Variants in HECW1 observed in about 807,000 individuals in gnomAD.
HECW1 encodes E3 ubiquitin-protein ligase HECW1.
Under a neutral mutation model 182.3 loss-of-function variants are expected in HECW1, and 61 were observed. The ratio of observed to expected loss-of-function variants is 0.33; its 90% CI spans 0.27 to 0.41. The LOEUF (loss-of-function observed/expected upper bound fraction) is 0.41. Ranked by LOEUF, HECW1 falls within the 10% of genes least tolerant of loss-of-function variation. The probability of loss-of-function intolerance (pLI) is 1.00; values close to 1 mark genes in which losing one functional copy is unlikely to be tolerated. For missense variants in HECW1, 1,739 were observed against 2,108.9 expected, an observed-to-expected ratio of 0.82 and a Z score of 3.44; for synonymous variants, 859 against 832.6, an observed-to-expected ratio of 1.03 and a Z score of -0.55.
intron 2 of HECW1, among the ~76,000 whole-genome samples, chr7:43,140,520 T>A (rs1788046267): frequency 6.6e-6 from 1 of 152,214 alleles, no homozygotes; most frequent in South Asian, 2.1e-4. Flanking sequence ...ATCGAATCCA[T>A]CGTTTCTGGC....
intron 3 of HECW1, among the ~76,000 whole-genome samples, chr7:43,278,044 T>A (rs2152745658): frequency 6.6e-6 from 1 of 152,168 alleles, no homozygotes; most frequent in East Asian, 1.9e-4. Context: ...GGTGGTCGCA[T>A]CTACTCTTGT....
chr7:43,402,188 T>G (rs1045539475), intron 7 of HECW1, among the ~76,000 whole-genome samples: 1 of 151,960 alleles, frequency 6.6e-6, no homozygotes, highest in African/African-American at 2.4e-5. Flanking sequence ...CAGACAAGGA[T>G]CCAGATACCA....
chr7:43,538,477 A>G (rs2081256436), intron 24 of HECW1, among the ~76,000 whole-genome samples: 1 of 152,250 alleles, frequency 6.6e-6, no homozygotes, highest in Non-Finnish European at 1.5e-5. Context: ...GAAGTTTTCC[A>G]GAAGAAGAAA....
At chr7:43,237,081 G>A (rs528148710) in intron 2 of HECW1, among the ~76,000 whole-genome samples, 6 of 151,256 alleles carry the variant, frequency 4.0e-5, no homozygotes, top group Non-Finnish European at 8.8e-5. Flanking sequence ...GAGGGAGGGA[G>A]GGAGGAAGCA....
chr7:43,235,946 T>C (rs979634126), intron 2 of HECW1, among the ~76,000 whole-genome samples: 3 of 152,144 alleles, frequency 2.0e-5, no homozygotes, highest in African/African-American at 7.2e-5. Flanking sequence ...CCCAGCACTT[T>C]GGGATGCCAA....
chr7:43,461,492 A>G (rs2077580659), intron 13 of HECW1, among the ~76,000 whole-genome samples: 1 of 152,220 alleles, frequency 6.6e-6, no homozygotes, highest in Non-Finnish European at 1.5e-5. Flanking sequence ...CATTTAGGGA[A>G]TCCTCCCAGT....
At chr7:43,202,602 G>A (rs1005484833) in intron 2 of HECW1, among the ~76,000 whole-genome samples, 1 of 151,684 alleles carries the variant, frequency 6.6e-6, no homozygotes, top group African/African-American at 2.4e-5. Flanking sequence ...GCCTCCTGAG[G>A]AGCTGGGGTT....
chr7:43,537,825 T>C (rs1198890010), intron 24 of HECW1, among the ~76,000 whole-genome samples: 1 of 152,220 alleles, frequency 6.6e-6, no homozygotes, highest in Non-Finnish European at 1.5e-5. Flanking sequence ...TTGTTGCCCA[T>C]GTCAGTCCGA....
chr7:43,452,047 T>C (rs2152885243), intron 12 of HECW1, among the ~76,000 whole-genome samples: 1 of 152,348 alleles, frequency 6.6e-6, no homozygotes, highest in Admixed American at 6.5e-5. Flanking sequence ...CTTTTATATG[T>C]GGACTAATTT....
chr7:43,423,718 A>T (rs4724205), intron 8 of HECW1, among the ~76,000 whole-genome samples: 5 of 151,956 alleles, frequency 3.3e-5, no homozygotes, highest in African/African-American at 4.8e-5. Context: ...CTCATGTGCA[A>T]CTCTTCCCAA....
At chr7:43,150,367 C>CATTTT (rs1237091229) in intron 2 of HECW1, among the ~76,000 whole-genome samples, 49 of 152,184 alleles carry the variant, frequency 3.2e-4, no homozygotes, top group African/African-American at 1.0e-3. Flanking sequence ...ACTGAACCAG[C>CATTTT]ATTTTATTTC....
At chr7:43,363,068 C>T (rs1000105109) in intron 6 of HECW1, among the ~76,000 whole-genome samples, 3 of 152,208 alleles carry the variant, frequency 2.0e-5, no homozygotes, top group Non-Finnish European at 2.9e-5. Context: ...CTGAACTCAG[C>T]CTGCTGGAGA....
At chr7:43,510,997 T>C (rs1043270746) in intron 24 of HECW1, 6 of 152,278 alleles carry the variant, frequency 3.9e-5, no homozygotes, top group Non-Finnish European at 8.8e-5. Flanking sequence ...CTTTGTGGCC[T>C]TCTGCTCATC....
At chr7:43,201,040 G>C (rs1794978436) in intron 2 of HECW1, among the ~76,000 whole-genome samples, 1 of 152,188 alleles carries the variant, frequency 6.6e-6, no homozygotes, top group Non-Finnish European at 1.5e-5. Flanking sequence ...TTGAAACGTG[G>C]GAGAAGGATA....
At chr7:43,307,915 TATACAC>T (rs1807825859) in intron 3 of HECW1, among the ~76,000 whole-genome samples, 1 of 138,032 alleles carries the variant, frequency 7.2e-6, no homozygotes, top group Admixed American at 8.1e-5. Flanking sequence ...TATATATATA[TATACAC>T]ACACACATAT....
At chr7:43,525,207 T>C (rs1346884292) in intron 24 of HECW1, among the ~76,000 whole-genome samples, 1 of 152,220 alleles carries the variant, frequency 6.6e-6, no homozygotes, top group East Asian at 1.9e-4. Flanking sequence ...GTCAGCATCA[T>C]GGCTGAGAAA....
At chr7:43,451,810 G>C (rs1389641566) in intron 12 of HECW1, among the ~76,000 whole-genome samples, 1 of 152,174 alleles carries the variant, frequency 6.6e-6, no homozygotes, top group Non-Finnish European at 1.5e-5. Flanking sequence ...AGCAAAGATA[G>C]TATTTAAGAT....
intron 5 of HECW1, among the ~76,000 whole-genome samples, chr7:43,341,823 A>G (rs997650257): frequency 2.0e-5 from 3 of 151,932 alleles, no homozygotes; most frequent in Non-Finnish European, 4.4e-5. Flanking sequence ...TTGACTGTCA[A>G]TATGACATTC....
chr7:43,119,317 T>C (rs1785353185), intron 2 of HECW1: 2 of 152,396 alleles, frequency 1.3e-5, no homozygotes, highest in Non-Finnish European at 2.9e-5. Context: ...CATGGGGCTG[T>C]GGGGGACCAC....
Sources: allele counts gnomAD v4.1 joint callset (sites outside exome capture counted in the v4.1 genomes callset), GRCh38; gene constraint gnomAD v4.1.1; transcripts MANE v1.5; gene names NCBI Gene and HGNC (gene_info 2026-07-23, HGNC 2026-07-21).